FNBP4: variants seen among roughly 807,000 people sequenced by gnomAD.
The protein encoded by FNBP4 is formin binding protein 4, also known as formin-binding protein 4.
FNBP4 carries 34 observed loss-of-function variants against 119.3 expected under a neutral mutation model. The observed-to-expected ratio is 0.28, with a 90% CI of 0.22 to 0.38. FNBP4 has a LOEUF of 0.38. Ranked by LOEUF, FNBP4 falls within the 10% of genes least tolerant of loss-of-function variation. The pLI is 1.00. For missense variants in FNBP4, 1,112 were observed against 1,228.9 expected (o/e 0.90, Z 1.42); for synonymous variants, 462 against 430.6 (o/e 1.07, Z -0.90).
At position 47,732,411 on chromosome 11, in the gene FNBP4, C is replaced by T; in HGVS notation, c.1820+126G>A. 6.5e-7 allele frequency: 1 copy of T among 1,537,008 alleles called. No individual in the cohort carries two copies. ...CTTTGTGCTTGCGGTGCTTTGCCTG[C>T]CCAGCACCGCTAACTGCAGCTGCTC... On this transcript the variant is annotated intron_variant, in intron 11 of 16. Transcript: ENST00000263773. The surrounding 1 kb of genome is among the most constrained non-coding windows in gnomAD (Gnocchi z 4.2).
chr11:47,749,007 T>C (rs1183047812), intron 6 of FNBP4, among the ~76,000 whole-genome samples: 6 of 152,086 alleles, frequency 3.9e-5, no homozygotes, highest in Non-Finnish European at 8.8e-5. Flanking sequence ...ACCTATAATG[T>C]AAGCAATTTG....
intron 12 of FNBP4, chr11:47,725,696 G>T: frequency 1.3e-6 from 1 of 767,704 alleles, no homozygotes; most frequent in Non-Finnish European, 1.6e-6. Context: ...TTTCTCTGCT[G>T]GGAAAACCTT....
intron 6 of FNBP4, among the ~76,000 whole-genome samples, chr11:47,747,299 G>C (rs1235902553): frequency 6.6e-6 from 1 of 152,072 alleles, no homozygotes; most frequent in African/African-American, 2.4e-5. Flanking sequence ...CTGCCTCCCG[G>C]GTTCAAGCAA....
chr11:47,741,169 CTGTT>C (rs1304107046), intron 8 of FNBP4, among the ~76,000 whole-genome samples: 1 of 151,458 alleles, frequency 6.6e-6, no homozygotes, highest in African/African-American at 2.4e-5. Context: ...GTGCGCCAGT[CTGTT>C]TTTCTTTTTC....
chr11:47,727,775 C>T (rs1261516626), intron 12 of FNBP4, among the ~76,000 whole-genome samples: 4 of 152,272 alleles, frequency 2.6e-5, no homozygotes, highest in South Asian at 2.1e-4. Flanking sequence ...ACATGGATGT[C>T]GTATTACAAT....
chr11:47,733,042 C>T (rs1448085289), intron 10 of FNBP4, among the ~76,000 whole-genome samples: 2 of 152,084 alleles, frequency 1.3e-5, no homozygotes, highest in African/African-American at 4.8e-5. Context: ...CAACTGAACC[C>T]GGGAGGCGGA....
intron 6 of FNBP4, among the ~76,000 whole-genome samples, chr11:47,750,446 C>A (rs1188410581): frequency 7.1e-6 from 1 of 141,514 alleles, no homozygotes; most frequent in Non-Finnish European, 1.5e-5. Context: ...TCCCAGCACT[C>A]TGGGAGGCCA....
At chr11:47,730,621 T>C (rs1373885842) in intron 12 of FNBP4, among the ~76,000 whole-genome samples, 1 of 152,230 alleles carries the variant, frequency 6.6e-6, no homozygotes, top group Non-Finnish European at 1.5e-5. Flanking sequence ...TAGAAACGAC[T>C]CATAGACTCT....
Position 47,767,306 on chromosome 11 carries a change from G to A in FNBP4, c.-18C>T, listed in dbSNP as rs1347651148. The A allele has an allele frequency of 2.7e-6, 4 of 1,481,608 alleles. No individual in the cohort carries two copies. Among genetic ancestry groups the A allele is most frequent in the East Asian group, 2.6e-5 (1 of 38,758 alleles). 91.8% of individuals were successfully genotyped at this position (1,481,608 alleles called of 1,614,324 possible). On this transcript the variant is annotated 5_prime_UTR_variant, in exon 1 of 17. Transcript: ENST00000263773. ...TTCCCCATCGCGAGCCCAAGCGCGA[G>A]CAGAGAGCGTCGGGCGGCCGAGAGG...
chr11:47,737,203 AAT>A (rs1462604324), intron 8 of FNBP4, among the ~76,000 whole-genome samples: 2 of 152,160 alleles, frequency 1.3e-5, no homozygotes, highest in African/African-American at 4.8e-5. Context: ...AAAATAAATA[AAT>A]AAAATAAAAA....
intron 12 of FNBP4, among the ~76,000 whole-genome samples, chr11:47,731,042 C>A (rs1315450312): frequency 1.3e-5 from 2 of 152,190 alleles, no homozygotes; most frequent in African/African-American, 4.8e-5. Flanking sequence ...CATATATTGA[C>A]AGTTCAACTA....
intron 12 of FNBP4, chr11:47,729,046 T>G (rs1176012458): frequency 4.5e-6 from 2 of 442,194 alleles, no homozygotes; most frequent in South Asian, 2.0e-4. Context: ...GAGGCAGGGT[T>G]TCACCATGTT....
At chr11:47,718,214 GT>G (rs199670123) in intron 16 of FNBP4, among the ~76,000 whole-genome samples, 4 of 150,186 alleles carry the variant, frequency 2.7e-5, no homozygotes, top group South Asian at 4.2e-4. Context: ...GGGATCTAAT[GT>G]TTTTTTTTCT....
At chr11:47,729,478 T>C in intron 12 of FNBP4, 2 of 985,422 alleles carry the variant, frequency 2.0e-6, no homozygotes, top group Non-Finnish European at 2.4e-6. Flanking sequence ...TTGAAACTTC[T>C]TGGCTTCTCA....
rs908423565 is a variant in FNBP4, at chr11:47,729,796, G to A, written c.2008+1578C>T. The A allele has an allele frequency of 5.1e-6, 5 of 985,386 alleles. No homozygotes were observed. The Admixed American group carries it at 1.8e-4, about 36-fold the overall frequency. 61.0% of individuals were successfully genotyped at this position (985,386 alleles called of 1,614,324 possible). A position where few individuals can be genotyped will look rare whatever the true frequency, so the allele number is the denominator to read the frequency against. ...GCTGATTAAGAGCTCTCTTTATTAG[G>A]CTTAGAACTGTTGATTATTGCTCTT... On this transcript the variant is annotated intron_variant, in intron 12 of 16. Coordinates refer to ENST00000263773, the MANE Select transcript of FNBP4 (RefSeq NM_015308.5).
chr11:47,760,975 A>T (rs1421763572), intron 2 of FNBP4, among the ~76,000 whole-genome samples: 4 of 152,184 alleles, frequency 2.6e-5, no homozygotes, highest in Non-Finnish European at 5.9e-5. Flanking sequence ...CTCCAAAAAA[A>T]CTTTGCTCAA....
chr11:47,762,551 G>T (rs2097637860), intron 2 of FNBP4, among the ~76,000 whole-genome samples: 1 of 152,086 alleles, frequency 6.6e-6, no homozygotes, highest in South Asian at 2.1e-4. Flanking sequence ...TCCTGCCTCA[G>T]TCTCCCAAGT....
At chr11:47,730,812 G>C (rs1053249663) in intron 12 of FNBP4, among the ~76,000 whole-genome samples, 8 of 152,184 alleles carry the variant, frequency 5.3e-5, no homozygotes, top group African/African-American at 1.7e-4. Flanking sequence ...AAAATGGAAT[G>C]AGACATCCTA....
At chr11:47,767,000 G>T in intron 1 of FNBP4, 69 bp downstream of exon 1, 1 of 1,484,162 alleles carries the variant, frequency 6.7e-7, no homozygotes. Flanking sequence ...GCCGGGTCTG[G>T]CCAGGCGCCG....
Sources: gnomAD v4.1 joint callset for allele counts (sites outside exome capture counted in the v4.1 genomes callset) on GRCh38, gnomAD v4.1.1 for gene constraint, Gnocchi (gnomAD v3.1) non-coding constraint, MANE v1.5 for transcripts, NCBI Gene and HGNC (gene_info 2026-07-23, HGNC 2026-07-21) for gene names.